Variants in NANOS3 observed in about 807,000 individuals in gnomAD.
The protein encoded by NANOS3 is nanos C2HC-type zinc finger 3, also known as nanos homolog 3.
A neutral mutation model predicts 13.8 loss-of-function variants in NANOS3; 11 were observed. That is an observed-to-expected ratio of 0.80 (90% CI 0.50 to 1.32). The LOEUF (loss-of-function observed/expected upper bound fraction) is 1.32, where lower values mean the gene tolerates loss of function less well. Ranked by LOEUF, NANOS3 falls within the 40% of genes most tolerant of loss-of-function variation. The pLI is 0.00. For synonymous variants in NANOS3, 119 were observed against 115.4 expected, an observed-to-expected ratio of 1.03 and a Z score of -0.20; for missense variants, 221 against 263.8, an observed-to-expected ratio of 0.84 and a Z score of 1.12.
chr19:13,875,270 T>C (rs1968487818), upstream of NANOS3, among the ~76,000 whole-genome samples: 1 of 151,202 alleles, frequency 6.6e-6, no homozygotes, highest in African/African-American at 2.4e-5. Context: ...CACTGCAACC[T>C]CTGCCTCCAG....
At chr19:13,871,121 A>G (rs1328255840) in intron 1 of NANOS3, among the ~76,000 whole-genome samples, 1 of 152,164 alleles carries the variant, frequency 6.6e-6, no homozygotes, top group Non-Finnish European at 1.5e-5. Flanking sequence ...TCAAACCAGC[A>G]GACAGCTGCA....
At chr19:13,868,002 A>G (rs989420260) in intron 1 of NANOS3, among the ~76,000 whole-genome samples, 1 of 152,176 alleles carries the variant, frequency 6.6e-6, no homozygotes, top group South Asian at 2.1e-4. Context: ...ACAGGCAGGC[A>G]GAAATCCTGT....
chr19:13,873,983 G>A (rs1274166677), upstream of NANOS3, among the ~76,000 whole-genome samples: 1 of 152,160 alleles, frequency 6.6e-6, no homozygotes, highest in East Asian at 1.9e-4. Context: ...ATGAGGAAAT[G>A]GAGAGGGGGC....
intron 1 of NANOS3, among the ~76,000 whole-genome samples, chr19:13,866,723 A>G (rs1250681959): frequency 6.6e-6 from 1 of 152,208 alleles, no homozygotes; most frequent in African/African-American, 2.4e-5. Context: ...CAGGGTAGCA[A>G]TGACAAACGC....
Position 13,877,336 on chromosome 19 carries a change from C to T in NANOS3, c.88C>T (p.Leu30=). The T allele has an allele frequency of 6.2e-7, 1 of 1,612,882 alleles. No individual in the cohort carries two copies. Among genetic ancestry groups the T allele is most frequent in the South Asian group, 1.1e-5 (1 of 91,092 alleles). ...LSGKEGPETR[L]SPQPEPEPML... is the part of the protein sequence containing the mutation. Reference sequence around the variant, plus strand: ...TGGGAAAGAGGGTCCTGAAACCAGGCTGAGCCCCCAGCCAGAGCCAGAGCC... The same window carrying T: ...TGGGAAAGAGGGTCCTGAAACCAGGTTGAGCCCCCAGCCAGAGCCAGAGCC... The change falls in exon 1 of 2, where the codon CTG becomes TTG. Residue 30 remains leucine (L), a synonymous_variant. Transcript: ENST00000339133.
At chr19:13,867,483 C>G (rs1976259879) in intron 1 of NANOS3, among the ~76,000 whole-genome samples, 1 of 145,264 alleles carries the variant, frequency 6.9e-6, no homozygotes, top group Admixed American at 6.8e-5. Context: ...AGGCTCGTCT[C>G]AAACTCGTTG....
intron 1 of NANOS3, among the ~76,000 whole-genome samples, chr19:13,879,511 G>A (rs1477107381): frequency 1.3e-5 from 2 of 152,204 alleles, no homozygotes; most frequent in African/African-American, 4.8e-5. Flanking sequence ...CAAGGCAGGA[G>A]GATCGCTTGA....
upstream of NANOS3, among the ~76,000 whole-genome samples, chr19:13,876,473 T>C (rs1404746567): frequency 6.6e-6 from 1 of 152,190 alleles, no homozygotes; most frequent in Non-Finnish European, 1.5e-5. Context: ...GTGCATGTCT[T>C]TATAAATAAC....
At chr19:13,864,658 C>A (rs1045304469), upstream of NANOS3, among the ~76,000 whole-genome samples, 2 of 151,986 alleles carry the variant, frequency 1.3e-5, no homozygotes, top group Non-Finnish European at 2.9e-5. Context: ...TCTGTGGATA[C>A]CCCAGTGCGT....
chr19:13,875,752 G>A (rs559118001), upstream of NANOS3, among the ~76,000 whole-genome samples: 4 of 152,226 alleles, frequency 2.6e-5, no homozygotes, highest in East Asian at 5.8e-4. Context: ...GTCTCAAAAC[G>A]TTGCCCAGGC....
At chr19:13,867,636 A>C (rs1376629827) in intron 1 of NANOS3, among the ~76,000 whole-genome samples, 1 of 151,952 alleles carries the variant, frequency 6.6e-6, no homozygotes, top group African/African-American at 2.4e-5. Flanking sequence ...ATCATAGCTC[A>C]CAGCAGCCTC....
chr19:13,864,492 T>C (rs143426220), upstream of NANOS3, among the ~76,000 whole-genome samples: 312 of 152,214 alleles, frequency 2.0e-3, 7 homozygotes, highest in East Asian at 0.049. Context: ...TGTGCATATA[T>C]GTGTGTGTCT....
At chr19:13,870,407 C>T (rs922037750) in intron 1 of NANOS3, among the ~76,000 whole-genome samples, 2 of 151,824 alleles carry the variant, frequency 1.3e-5, no homozygotes, top group East Asian at 3.9e-4. Flanking sequence ...GACGGTAGAG[C>T]TGCCTCCATC....
chr19:13,880,674 C>G lies in NANOS3; in HGVS notation c.*171C>G, dbSNP rs543388017. On this transcript the variant is annotated 3_prime_UTR_variant, in exon 2 of 2. Transcript: ENST00000339133. The stretch of plus-strand genomic sequence containing the variant: ...CTGAAATCGCCCTGTCCTTGGGGAC[C>G]CCACCCTTTGTGCCATCTGCCGTTT... 3.1e-5 allele frequency: 19 copies of G among 611,996 alleles called. No homozygotes were observed. The East Asian group carries it at 5.3e-4, about 17-fold the overall frequency. 37.9% of individuals were successfully genotyped at this position (611,996 alleles called of 1,614,324 possible). A position where few individuals can be genotyped will look rare whatever the true frequency, so the allele number is the denominator to read the frequency against.
At chr19:13,866,008 C>T (rs888932251) in intron 1 of NANOS3, among the ~76,000 whole-genome samples, 9 of 152,004 alleles carry the variant, frequency 5.9e-5, no homozygotes, top group African/African-American at 1.9e-4. Context: ...GCGGGGGCCC[C>T]GCTCAGGCCT....
At chr19:13,876,603 C>T (rs1162639775), upstream of NANOS3, among the ~76,000 whole-genome samples, 1 of 152,076 alleles carries the variant, frequency 6.6e-6, no homozygotes, top group African/African-American at 2.4e-5. Context: ...GGGCATGATC[C>T]TTCCCCCCTA....
At chr19:13,876,481 A>T (rs1278158449), upstream of NANOS3, among the ~76,000 whole-genome samples, 1 of 152,224 alleles carries the variant, frequency 6.6e-6, no homozygotes, top group Non-Finnish European at 1.5e-5. Context: ...CTTTATAAAT[A>T]ACTGGATGGG....
chr19:13,872,790 G>T (rs373928819), upstream of NANOS3, among the ~76,000 whole-genome samples: 15 of 152,274 alleles, frequency 9.9e-5, no homozygotes, highest in African/African-American at 3.6e-4. Context: ...GGACGTGGCG[G>T]ATGAGCTGCG....
intron 1 of NANOS3, among the ~76,000 whole-genome samples, chr19:13,866,890 C>T (rs1263674546): frequency 2.6e-5 from 4 of 151,722 alleles, no homozygotes; most frequent in East Asian, 3.9e-4. Context: ...CACACACATA[C>T]ACACACACAC....
Sources: allele counts gnomAD v4.1 joint callset (sites outside exome capture counted in the v4.1 genomes callset), GRCh38; gene constraint gnomAD v4.1.1; transcripts MANE v1.5; gene names NCBI Gene and HGNC (gene_info 2026-07-23, HGNC 2026-07-21).